FBN3: variants seen among roughly 807,000 people sequenced by gnomAD.
FBN3 encodes the protein fibrillin-3.
Under a neutral mutation model 330.1 loss-of-function variants are expected in FBN3, and 234 were observed. The ratio of observed to expected loss-of-function variants is 0.71; its 90% CI spans 0.64 to 0.79. The LOEUF (loss-of-function observed/expected upper bound fraction) is 0.79. FBN3 is among the 30% of genes least tolerant of loss of function. FBN3 has a pLI of 0.00. For synonymous variants in FBN3, 1,458 were observed against 1,517.3 expected (o/e 0.96, Z 0.91); for missense variants, 3,606 against 3,886.9 (o/e 0.93, Z 1.92).
At chr19:8,116,849 C>T in intron 28 of FBN3, 50 bp from the exon 29 acceptor site, 1 of 1,587,786 alleles carries the variant, frequency 6.3e-7, no homozygotes, top group Non-Finnish European at 8.6e-7. Context: ...TGATAGACCA[C>T]CCAGTACACA....
Position 8,065,970 on chromosome 19 carries a change from T to A in FBN3, c.8379A>T (p.Pro2793=). The change falls in exon 64 of 64, where the codon CCA becomes CCT. Residue 2793 remains proline, a synonymous_variant. Coordinates refer to ENST00000600128, the MANE Select transcript of FBN3 (RefSeq NM_032447.5). ...GPWGVQPEGQ[P]GPWGQALRLK... Reference sequence around the variant, plus strand: ...GCCTCAAGGCCTGGCCCCATGGCCCTGGCTGCCCCTCTGGCTGGACACCCC... The same window carrying A: ...GCCTCAAGGCCTGGCCCCATGGCCCAGGCTGCCCCTCTGGCTGGACACCCC... The A allele has an allele frequency of 6.2e-7, 1 of 1,610,968 alleles. No homozygotes were observed. Among genetic ancestry groups the A allele is most frequent in the South Asian group, 1.1e-5 (1 of 90,956 alleles).
At chr19:8,133,688 G>A (rs1383273150) in intron 13 of FBN3, among the ~76,000 whole-genome samples, 4 of 151,886 alleles carry the variant, frequency 2.6e-5, no homozygotes, top group Admixed American at 6.6e-5. Flanking sequence ...TCCTGACCTC[G>A]TGATAAGCCC....
chr19:8,086,397 GC>G, intron 54 of FBN3, 72 bp from the exon 55 acceptor site: 1 of 1,235,498 alleles, frequency 8.1e-7, no homozygotes, highest in Non-Finnish European at 1.1e-6. Context: ...GCCCCAAAGG[GC>G]CCCTTTGGAT....
intron 62 of FBN3, 96 bp downstream of exon 62, chr19:8,072,967 G>A (rs2081551580): frequency 2.6e-5 from 4 of 152,184 alleles, no homozygotes; most frequent in East Asian, 1.7e-4. Flanking sequence ...ACAAAGCCCC[G>A]TGTGTGTGTG....
rs2082010972 is a variant in FBN3 at position 8,088,166 on chromosome 19, G to A, written c.6390C>T (p.Cys2130=). ...CTTGCCCACAGGGGTGGCCGACAGA[G>A]CACTCGTCTGTGTCTGGGTGGGAGT... ...TGINCVDTDE[C]SVGHPCGQGT... The change falls in exon 52 of 64, where the codon TGC becomes TGT. Residue 2130 remains cysteine, a synonymous_variant. Transcript: ENST00000600128. 6.2e-7 allele frequency: 1 copy of A among 1,602,314 alleles called. No homozygotes were observed. The highest frequency in any genetic ancestry group is 1.1e-5 in the South Asian group (1 of 89,672).
intron 30 of FBN3, among the ~76,000 whole-genome samples, chr19:8,113,217 G>A (rs2082629762): frequency 6.6e-6 from 1 of 152,186 alleles, no homozygotes; most frequent in Admixed American, 6.5e-5. Context: ...CTTGAGGCAA[G>A]GAGTTTGAGA....
intron 59 of FBN3, 46 bp downstream of exon 59, chr19:8,080,957 G>T (rs2081764975): frequency 1.5e-6 from 2 of 1,351,642 alleles, no homozygotes; most frequent in Non-Finnish European, 2.1e-6. Flanking sequence ...AATAACTAAT[G>T]CTGGGGTCAT....
At chr19:8,140,576 G>C (rs2083388566) in intron 8 of FBN3, among the ~76,000 whole-genome samples, 1 of 152,154 alleles carries the variant, frequency 6.6e-6, no homozygotes, top group South Asian at 2.1e-4. Flanking sequence ...TATCCTCTAG[G>C]TACCAGCCCT....
chr19:8,125,598 C>G (rs144108214), intron 22 of FBN3, among the ~76,000 whole-genome samples: 1 of 152,178 alleles, frequency 6.6e-6, no homozygotes, highest in Non-Finnish European at 1.5e-5. Context: ...CGAGACCATC[C>G]TAGCCAACAT....
At chr19:8,099,921 A>G (rs2082291537) in intron 41 of FBN3, among the ~76,000 whole-genome samples, 1 of 151,684 alleles carries the variant, frequency 6.6e-6, no homozygotes, top group Non-Finnish European at 1.5e-5. Context: ...GAGGCAGGAG[A>G]ATCGCTTGAA....
In FBN3 at chr19:8,121,479, G is replaced by C. The variant is rs2082849566; in HGVS notation, c.3083-93C>G. 1 of 1,318,456 alleles carries C rather than the reference G, an allele frequency of 7.6e-7. No homozygotes were observed. Among genetic ancestry groups the C allele is most frequent in the South Asian group, 1.6e-5 (1 of 63,178 alleles). 81.7% of individuals were successfully genotyped at this position (1,318,456 alleles called of 1,614,324 possible). A position where few individuals can be genotyped will look rare whatever the true frequency, so the allele number is the denominator to read the frequency against. ...GTCCCTGTCCTTTGATGGAGGTGTG[G>C]GCTAGAGGAAGCCCATCTGCAGACA... is the stretch of plus-strand genomic sequence containing the variant. On this transcript the variant is annotated intron_variant, in intron 24 of 63. Transcript: ENST00000600128. The surrounding 1 kb of genome is among the most constrained non-coding windows in gnomAD (Gnocchi z 4.5).
chr19:8,104,916 TTCTTTCTTC>T (rs1312031809), intron 38 of FBN3, among the ~76,000 whole-genome samples: 7 of 147,758 alleles, frequency 4.7e-5, no homozygotes, highest in Admixed American at 2.7e-4. Context: ...TTCTCTTTCT[TTCTTTCTTC>T]TCTTTCTTTC....
intron 56 of FBN3, among the ~76,000 whole-genome samples, chr19:8,084,544 A>G (rs73503755): frequency 0.057 from 8,662 of 151,818 alleles, 835 homozygotes; most frequent in African/African-American, 0.2. Context: ...CACGGCCCCA[A>G]AGAGATCCTT....
At chr19:8,098,942 G>C (rs971318363) in intron 41 of FBN3, among the ~76,000 whole-genome samples, 1 of 152,156 alleles carries the variant, frequency 6.6e-6, no homozygotes, top group African/African-American at 2.4e-5. Context: ...TCCCATCACT[G>C]GGGGACCTGG....
rs1027030523 is a variant in FBN3 at position 8,109,575 on chromosome 19, T to C, written c.4456+56A>G. 3.9e-6 allele frequency: 6 copies of C among 1,557,092 alleles called. No individual in the cohort carries two copies. Among genetic ancestry groups the C allele is most frequent in the Non-Finnish European group, 5.2e-6 (6 of 1,149,486 alleles). ...CATCTGAGTTAACCCAGTGGGGCAATCCCACCCACCTCTGCTGACCCCAGA... is the reference window on the plus strand; with the variant it reads ...CATCTGAGTTAACCCAGTGGGGCAACCCCACCCACCTCTGCTGACCCCAGA... On this transcript the variant is annotated intron_variant, in intron 35 of 63. Transcript: ENST00000600128. The surrounding 1 kb of genome is among the most constrained non-coding windows in gnomAD (Gnocchi z 5.2).
Position 8,108,220 on chromosome 19 carries a change from C to T in FBN3, c.4637G>A (p.Cys1546Tyr), listed in dbSNP as rs2144804748. The change falls in exon 37 of 64, where the codon TGC becomes TAC. Residue 1546 changes from cysteine (C) to tyrosine (Y), a missense_variant. Coordinates refer to ENST00000600128, the MANE Select transcript of FBN3 (RefSeq NM_032447.5). ...MANTTEYRTL[C>Y]PGGEGFQPNR... ...AGGCTGGAAGCCCTCACCACCCGGG[C>T]ACAGGGTTCTGTACTCAGCTGTAAA... 1 of 1,613,018 alleles carries T rather than the reference C, an allele frequency of 6.2e-7. No individual in the cohort carries two copies. Among genetic ancestry groups the T allele is most frequent in the East Asian group, 2.2e-5 (1 of 44,842 alleles).
intron 51 of FBN3, among the ~76,000 whole-genome samples, chr19:8,089,142 TTAA>T (rs1411032355): frequency 2.0e-5 from 3 of 151,874 alleles, no homozygotes; most frequent in Non-Finnish European, 4.4e-5. Flanking sequence ...AGTTAGTGAA[TTAA>T]TAAGTGAATG....
chr19:8,092,050 C>T (rs546624760), intron 47 of FBN3, among the ~76,000 whole-genome samples: 7 of 151,802 alleles, frequency 4.6e-5, no homozygotes, highest in East Asian at 1.9e-4. Flanking sequence ...TGGTGGTGGG[C>T]GCCTGTAGTC....
At chr19:8,091,318 G>T in intron 48 of FBN3, 147 bp downstream of exon 48, 2 of 1,103,210 alleles carry the variant, frequency 1.8e-6, no homozygotes, top group Non-Finnish European at 2.6e-6. Flanking sequence ...GCTGGCACTA[G>T]GATAACTCTG....
Sources: allele counts gnomAD v4.1 joint callset (sites outside exome capture counted in the v4.1 genomes callset), GRCh38; gene constraint gnomAD v4.1.1; non-coding constraint Gnocchi (gnomAD v3.1); transcripts MANE v1.5; gene names NCBI Gene and HGNC (gene_info 2026-07-23, HGNC 2026-07-21).